HHLA2: variants seen among roughly 807,000 people sequenced by gnomAD.
The protein encoded by HHLA2 is HHLA2 member of B7 family.
Under a neutral mutation model 45.9 loss-of-function variants are expected in HHLA2, and 48 were observed. The ratio of observed to expected loss-of-function variants is 1.05; its 90% CI spans 0.83 to 1.33. The LOEUF is 1.33. Ranked by LOEUF, HHLA2 falls within the 40% of genes most tolerant of loss-of-function variation. The pLI is 0.00. For synonymous variants in HHLA2, 161 were observed against 173.9 expected (o/e 0.93, Z 0.59); for missense variants, 462 against 494.3 (o/e 0.93, Z 0.62).
chr3:108,325,862 C>T (rs2081279662), intron 2 of HHLA2: 2 of 390,204 alleles, frequency 5.1e-6, no homozygotes, highest in South Asian at 2.3e-5. Flanking sequence ...ATCTCTAGAA[C>T]TACTTTGACC....
intron 1 of HHLA2, among the ~76,000 whole-genome samples, chr3:108,298,103 A>G (rs1294056450): frequency 6.6e-6 from 1 of 152,218 alleles, no homozygotes; most frequent in Non-Finnish European, 1.5e-5. Context: ...TTTTCCAAGT[A>G]TCTGCATAGC....
chr3:108,367,600 G>A (rs1015138426), intron 8 of HHLA2, among the ~76,000 whole-genome samples: 1 of 151,808 alleles, frequency 6.6e-6, no homozygotes, highest in South Asian at 2.1e-4. Context: ...CAGAAGAAAG[G>A]ATATCAGAGA....
chr3:108,355,557 C>T (rs1263931798), intron 6 of HHLA2, among the ~76,000 whole-genome samples, 176 bp downstream of exon 5: 2 of 152,194 alleles, frequency 1.3e-5, no homozygotes, highest in Non-Finnish European at 2.9e-5. Context: ...TTACATTAAG[C>T]AATCATTCTT....
intron 7 of HHLA2, among the ~76,000 whole-genome samples, chr3:108,358,549 T>C (rs1576166450): frequency 6.6e-6 from 1 of 152,270 alleles, no homozygotes; most frequent in East Asian, 1.9e-4. Flanking sequence ...TCCTGAAGAA[T>C]GCTGGGAAAT....
chr3:108,363,275 G>C (rs2082009749), intron 8 of HHLA2, among the ~76,000 whole-genome samples: 2 of 152,290 alleles, frequency 1.3e-5, no homozygotes, highest in South Asian at 4.1e-4. Context: ...GTTAGCTTAA[G>C]TGCCAAGTAG....
chr3:108,357,634 G>C (rs1000709617), intron 6 of HHLA2, among the ~76,000 whole-genome samples: 26 of 152,222 alleles, frequency 1.7e-4, no homozygotes, highest in African/African-American at 5.8e-4. Flanking sequence ...CTCCTTGAAG[G>C]TCTAAACTAA....
At chr3:108,316,716 T>A (rs184877697) in intron 2 of HHLA2, among the ~76,000 whole-genome samples, 1 of 152,366 alleles carries the variant, frequency 6.6e-6, no homozygotes, top group East Asian at 1.9e-4. Context: ...CAGCTTTTAT[T>A]TCTCCAGAAA....
At chr3:108,367,069 T>A (rs2082077447) in intron 8 of HHLA2, among the ~76,000 whole-genome samples, 1 of 152,166 alleles carries the variant, frequency 6.6e-6, no homozygotes, top group Non-Finnish European at 1.5e-5. Context: ...AAATAGGAAC[T>A]GGAGTGGACC....
intron 1 of HHLA2, among the ~76,000 whole-genome samples, chr3:108,309,052 G>A (rs963115764): frequency 2.0e-5 from 3 of 152,132 alleles, no homozygotes; most frequent in Non-Finnish European, 4.4e-5. Flanking sequence ...GGTTGCCTGT[G>A]CTTGTGGGGT....
chr3:108,317,677 C>A (rs550421173), intron 2 of HHLA2, among the ~76,000 whole-genome samples: 3 of 150,810 alleles, frequency 2.0e-5, no homozygotes, highest in Non-Finnish European at 4.4e-5. Context: ...TAGGTTCAAG[C>A]GATTCTCCTG....
intron 1 of HHLA2, among the ~76,000 whole-genome samples, chr3:108,297,571 G>C (rs1483942346): frequency 6.6e-6 from 1 of 152,182 alleles, no homozygotes; most frequent in Non-Finnish European, 1.5e-5. Context: ...GCTTAGCAAA[G>C]TGCCTGGTAT....
chr3:108,300,582 G>A (rs1017337287), intron 1 of HHLA2, among the ~76,000 whole-genome samples: 18 of 152,044 alleles, frequency 1.2e-4, no homozygotes, highest in Admixed American at 1.1e-3. Flanking sequence ...AGTTCTTTTC[G>A]TCTGGGTTTA....
In HHLA2 at chr3:108,334,138, G is replaced by A. The variant is rs143098111; in HGVS notation, c.-27+5791G>A. On this transcript the variant is annotated intron_variant, in intron 3 of 10. Transcript: ENST00000619531. ...TTAGGAGGAGTCATGCTGAAAACAG[G>A]CAACTGGAGACTCCAAGTGGGTGTA... Among the ~76,000 whole-genome samples the A allele has an allele frequency of 2.4e-3, 361 of 152,254 alleles. 2 individuals are homozygous for A. The highest frequency in any genetic ancestry group is 3.4e-3 in the Middle Eastern group (1 of 294).
chr3:108,328,322 C>G (rs1275010378), exon 3 of HHLA2: 1 of 1,531,776 alleles, frequency 6.5e-7, no homozygotes, highest in South Asian at 1.2e-5. Flanking sequence ...GTGGAATATA[C>G]TAAAGCCTAG....
intron 2 of HHLA2, chr3:108,325,734 C>T (rs991048802): frequency 5.0e-5 from 12 of 241,330 alleles, no homozygotes; most frequent in African/African-American, 1.2e-4. Flanking sequence ...TAGCCGTGCC[C>T]GCAGCCACCA....
At chr3:108,335,568 C>T (rs1211611710) in intron 3 of HHLA2, among the ~76,000 whole-genome samples, 2 of 152,134 alleles carry the variant, frequency 1.3e-5, no homozygotes, top group Non-Finnish European at 1.5e-5. Context: ...GTAACAAGTT[C>T]TTGGGCATGT....
At position 108,361,681 on chromosome 3, in the gene HHLA2, TCAGG is replaced by T. The variant is rs199665315; in HGVS notation, c.1004-658_1004-655del. ...ATGCATAGCGTTCAGTACTAAGGTT[TCAGG>T]CATCCACTTGGGGGACTTGGAATGT... On this transcript the variant is annotated intron_variant, in intron 7 of 10. Coordinates refer to ENST00000619531, the Ensembl canonical transcript of HHLA2. Among the ~76,000 whole-genome samples, 1,164 of 152,188 alleles carry T rather than the reference TCAGG, an allele frequency of 7.6e-3. 12 individuals are homozygous for T. Among genetic ancestry groups the T allele is most frequent in the African/African-American group, 0.026 (1,100 of 41,512 alleles).
At chr3:108,371,255 C>T (rs1051965744) in intron 8 of HHLA2, among the ~76,000 whole-genome samples, 1 of 152,140 alleles carries the variant, frequency 6.6e-6, no homozygotes, top group South Asian at 2.1e-4. Flanking sequence ...GAAACAAAAT[C>T]CTTTACAGAC....
intron 2 of HHLA2, among the ~76,000 whole-genome samples, chr3:108,319,680 C>G (rs2081165132): frequency 6.6e-6 from 1 of 152,188 alleles, no homozygotes; most frequent in Admixed American, 6.5e-5. Flanking sequence ...GCTAACTGCT[C>G]TTGCGGTTTC....
Sources: allele counts gnomAD v4.1 joint callset (sites outside exome capture counted in the v4.1 genomes callset), GRCh38; gene constraint gnomAD v4.1.1; transcripts MANE v1.5; gene names NCBI Gene and HGNC (gene_info 2026-07-23, HGNC 2026-07-21).